The following NFILZ variants were observed in gnomAD, a reference collection of about 807,000 sequenced individuals.
The protein encoded by NFILZ is NFIL3 like basic leucine zipper.
chr19:8,666,548 C>A (rs577137944), intron 3 of NFILZ, among the ~76,000 whole-genome samples: 11 of 152,110 alleles, frequency 7.2e-5, no homozygotes, highest in Admixed American at 2.6e-4. Flanking sequence ...ATGATGATAA[C>A]CTTGAACCCC....
intron 3 of NFILZ, among the ~76,000 whole-genome samples, chr19:8,673,019 G>T (rs1348038182): frequency 6.6e-6 from 1 of 152,096 alleles, no homozygotes; most frequent in East Asian, 1.9e-4. Context: ...CTTGGGCGGG[G>T]ACCAGGGCTG....
chr19:8,661,094 C>CACTT (rs2043029051), intron 3 of NFILZ, among the ~76,000 whole-genome samples: 1 of 51,544 alleles, frequency 1.9e-5, no homozygotes, highest in Non-Finnish European at 4.0e-5. Flanking sequence ...CCCCCTCCCT[C>CACTT]CCTTCCTCCT....
At chr19:8,673,547 T>C (rs1163115206) in intron 3 of NFILZ, among the ~76,000 whole-genome samples, 2 of 152,174 alleles carry the variant, frequency 1.3e-5, no homozygotes, top group Admixed American at 6.5e-5. Flanking sequence ...GTCTTTCGGC[T>C]TCAGAGTTGG....
chr19:8,647,776 CAT>C (rs2042946151), intron 3 of NFILZ, among the ~76,000 whole-genome samples: 1 of 82,636 alleles, frequency 1.2e-5, no homozygotes, highest in Admixed American at 1.4e-4. Context: ...CACACGCACA[CAT>C]GCGCGCGCGC....
rs2043123328 is a variant in NFILZ at position 8,678,092 on chromosome 19, TCCATC to T, written c.*459_*463del. Among the ~76,000 whole-genome samples, 5 of 5,454 alleles carry T rather than the reference TCCATC, an allele frequency of 9.2e-4. No homozygotes were observed. The highest frequency in any genetic ancestry group is 1.5e-3 in the Non-Finnish European group (4 of 2,736). 3.6% of individuals were successfully genotyped at this position (5,454 alleles called of 152,430 possible). ...TCCATCCATCAATCCATCCATCCAT[TCCATC>T]CATCCATCCATCCATCCATCCATCC... is the stretch of plus-strand genomic sequence containing the variant. On this transcript the variant is annotated 3_prime_UTR_variant, in exon 6 of 6. Coordinates refer to ENST00000691075, the MANE Select transcript of NFILZ (RefSeq NM_001378600.1).
At chr19:8,669,794 C>T (rs536668643) in intron 3 of NFILZ, among the ~76,000 whole-genome samples, 55 of 152,250 alleles carry the variant, frequency 3.6e-4, no homozygotes, top group Admixed American at 1.3e-3. Context: ...GGATGATAGC[C>T]GTGCTTTACT....
intron 4 of NFILZ, among the ~76,000 whole-genome samples, 96 bp downstream of exon 4, chr19:8,674,696 A>G (rs1271071461): frequency 6.6e-6 from 1 of 152,138 alleles, no homozygotes; most frequent in South Asian, 2.1e-4. Flanking sequence ...GGAAATGTGG[A>G]CTTAGGATCA....
Position 8,647,921 on chromosome 19 carries a change from C to G in NFILZ, c.-164+12175C>G, listed in dbSNP as rs373040116. On this transcript the variant is annotated intron_variant, in intron 3 of 5. Transcript: ENST00000691075. ...GGTGCGGTGGCTCGTGCCTGTAATC[C>G]CAGCACTTTGGGAGGCCGAGGCGGG... Among the ~76,000 whole-genome samples, 7 of 151,498 alleles carry G rather than the reference C, an allele frequency of 4.6e-5. No homozygotes were observed. The East Asian group carries it at 1.4e-3, about 30-fold the overall frequency.
intron 3 of NFILZ, among the ~76,000 whole-genome samples, chr19:8,662,659 A>C (rs1313108897): frequency 6.8e-6 from 1 of 146,148 alleles, no homozygotes; most frequent in Non-Finnish European, 1.5e-5. Flanking sequence ...TTTTTTTGAG[A>C]TGGAGTCTTT....
intron 3 of NFILZ, among the ~76,000 whole-genome samples, chr19:8,645,071 C>T (rs1375837627): frequency 1.3e-5 from 2 of 149,660 alleles, no homozygotes; most frequent in Admixed American, 6.7e-5. Context: ...TAAGCCACCG[C>T]ACCTGTCCAG....
chr19:8,669,088 C>T (rs899655273), intron 3 of NFILZ, among the ~76,000 whole-genome samples: 4 of 152,124 alleles, frequency 2.6e-5, no homozygotes, highest in East Asian at 3.9e-4. Flanking sequence ...GGACTACAGG[C>T]GTGCACTACC....
At chr19:8,633,496 A>G (rs1205011477) in intron 2 of NFILZ, among the ~76,000 whole-genome samples, 1 of 152,186 alleles carries the variant, frequency 6.6e-6, no homozygotes, top group Non-Finnish European at 1.5e-5. Flanking sequence ...GAGGCTGCAC[A>G]GGGAAGGTGT....
chr19:8,639,550 C>G (rs1468841116), intron 3 of NFILZ, among the ~76,000 whole-genome samples: 2 of 151,002 alleles, frequency 1.3e-5, no homozygotes, highest in Non-Finnish European at 2.9e-5. Context: ...ATGATCGCAC[C>G]ACAGCAATAC....
chr19:8,664,527 C>T (rs1248950572), intron 3 of NFILZ, among the ~76,000 whole-genome samples: 1 of 152,208 alleles, frequency 6.6e-6, no homozygotes, highest in East Asian at 1.9e-4. Context: ...CTTGCATTTT[C>T]CCCTTGAAGA....
intron 3 of NFILZ, among the ~76,000 whole-genome samples, chr19:8,663,744 G>GTGTGTATGTGTGTGTGTGTGTGTGTGTA (rs1418286656): frequency 8.2e-6 from 1 of 121,822 alleles, no homozygotes; most frequent in Non-Finnish European, 1.8e-5. Context: ...GTGTGTGTGT[G>GTGTGTATGTGTGTGTGTGTGTGTGTGTA]TGTGTGTGTG....
Position 8,678,147 on chromosome 19 carries a change from G to GTCCA in NFILZ, c.*515_*516insATCC, listed in dbSNP as rs1328868486. Among the ~76,000 whole-genome samples the GTCCA allele has an allele frequency of 0.21, 2,040 of 9,490 alleles. 152 individuals carry two copies. Among genetic ancestry groups the GTCCA allele is most frequent in the South Asian group, 0.37 (57 of 156 alleles). 6.2% of individuals were successfully genotyped at this position (9,490 alleles called of 152,430 possible). A position where few individuals can be genotyped will look rare whatever the true frequency, so the allele number is the denominator to read the frequency against. ...CATCCCTCCATCCATTCATCCACTT[G>GTCCA]TCCGTCCATCCATCCATCCATCCAT... On this transcript the variant is annotated 3_prime_UTR_variant, in exon 6 of 6. Transcript: ENST00000691075.
At chr19:8,665,900 AC>A (rs2043059890) in intron 3 of NFILZ, among the ~76,000 whole-genome samples, 1 of 152,214 alleles carries the variant, frequency 6.6e-6, no homozygotes. Flanking sequence ...AAGAAATCTT[AC>A]ACTCGCTGGA....
At chr19:8,674,102 AG>A (rs1266216561) in intron 3 of NFILZ, among the ~76,000 whole-genome samples, 1 of 152,118 alleles carries the variant, frequency 6.6e-6, no homozygotes, top group African/African-American at 2.4e-5. Flanking sequence ...GGCCTCCAAA[AG>A]TCCTGGGATT....
At chr19:8,647,998 C>T (rs1245845184) in intron 3 of NFILZ, among the ~76,000 whole-genome samples, 1 of 151,324 alleles carries the variant, frequency 6.6e-6, no homozygotes, top group Non-Finnish European at 1.5e-5. Context: ...CGGTGAAACC[C>T]CGTCTCTACT....
Sources: gnomAD v4.1 joint callset for allele counts (sites outside exome capture counted in the v4.1 genomes callset) on GRCh38, gnomAD v4.1.1 for gene constraint, MANE v1.5 for transcripts, NCBI Gene and HGNC (gene_info 2026-07-23, HGNC 2026-07-21) for gene names.